Variants in SNTG1 observed in about 807,000 individuals in gnomAD.
The protein encoded by SNTG1 is syntrophin gamma 1.
In SNTG1, 39 loss-of-function variants were observed where a neutral mutation model predicts 74.7. The ratio of observed to expected loss-of-function variants is 0.52; its 90% confidence interval spans 0.40 to 0.68. The LOEUF (loss-of-function observed/expected upper bound fraction) is 0.68, where lower values mean the gene tolerates loss of function less well. Among genes scored for constraint, SNTG1 ranks in the 30% least tolerant of loss-of-function variants. The probability of loss-of-function intolerance (pLI) is 0.00; values close to 1 mark genes in which losing one functional copy is unlikely to be tolerated. For missense variants in SNTG1, 685 were observed against 609.5 expected, an observed-to-expected ratio of 1.12 and a Z score of -1.30; for synonymous variants, 254 against 217.1, an observed-to-expected ratio of 1.17 and a Z score of -1.49.
At chr8:50,134,108 G>T (rs190083415) in intron 1 of SNTG1, among the ~76,000 whole-genome samples, 7 of 152,276 alleles carry the variant, frequency 4.6e-5, no homozygotes, top group African/African-American at 1.7e-4. Context: ...TGCCATTCAT[G>T]GAACTCAATC....
chr8:50,305,029 G>A (rs764017441), intron 2 of SNTG1, among the ~76,000 whole-genome samples: 33 of 151,792 alleles, frequency 2.2e-4, no homozygotes, highest in Non-Finnish European at 3.5e-4. Flanking sequence ...CAGCCTCCCA[G>A]GTAGCTGGGA....
At chr8:50,018,164 T>A (rs1044940843) in intron 1 of SNTG1, among the ~76,000 whole-genome samples, 1 of 152,000 alleles carries the variant, frequency 6.6e-6, no homozygotes. Flanking sequence ...ATTTTTATGA[T>A]GCTTATAAAA....
chr8:50,389,151 C>T (rs1363449850), intron 2 of SNTG1, among the ~76,000 whole-genome samples: 1 of 152,114 alleles, frequency 6.6e-6, no homozygotes, highest in African/African-American at 2.4e-5. Context: ...TCATTTCTCC[C>T]CACCCATAGC....
chr8:50,042,942 A>G (rs779590482), intron 1 of SNTG1, among the ~76,000 whole-genome samples: 94 of 152,180 alleles, frequency 6.2e-4, no homozygotes, highest in Non-Finnish European at 1.1e-3. Flanking sequence ...CAATGTAAAG[A>G]TTTTGGCTTG....
rs192521307 is a variant in SNTG1, at chr8:50,546,836, C to T, written c.681-6214C>T. Among the ~76,000 whole-genome samples the T allele has an allele frequency of 3.7e-3, 566 of 152,186 alleles. 6 individuals carry two copies. The highest frequency in any genetic ancestry group is 0.012 in the African/African-American group (510 of 41,524). On this transcript the variant is annotated intron_variant, in intron 11 of 18. Transcript: ENST00000642720. The stretch of plus-strand genomic sequence containing the variant: ...TCACTCTGCCACCCAGGCTGGAGTG[C>T]AGTGGTGCAATCTCGGCTCACTGCA...
At chr8:49,961,041 C>A (rs1585671348) in intron 1 of SNTG1, among the ~76,000 whole-genome samples, 1 of 152,072 alleles carries the variant, frequency 6.6e-6, no homozygotes, top group Non-Finnish European at 1.5e-5. Context: ...TGTCATCTTC[C>A]AGAATCCTAG....
intron 15 of SNTG1, among the ~76,000 whole-genome samples, chr8:50,691,814 A>C (rs916439294): frequency 6.6e-6 from 1 of 152,276 alleles, no homozygotes; most frequent in African/African-American, 2.4e-5. Flanking sequence ...AGATTGGGGA[A>C]GTTCTCCTGG....
At chr8:50,183,283 A>G (rs2083271818) in intron 2 of SNTG1, among the ~76,000 whole-genome samples, 1 of 152,208 alleles carries the variant, frequency 6.6e-6, no homozygotes, top group Non-Finnish European at 1.5e-5. Flanking sequence ...GCATTCACAC[A>G]GAAGATTAAT....
intron 13 of SNTG1, among the ~76,000 whole-genome samples, chr8:50,626,449 T>G (rs2094956890): frequency 6.6e-6 from 1 of 151,750 alleles, no homozygotes; most frequent in South Asian, 2.1e-4. Context: ...GCATGTGGAG[T>G]GGGAAATCAG....
At chr8:50,100,399 C>T (rs1042132893) in intron 1 of SNTG1, among the ~76,000 whole-genome samples, 4 of 151,988 alleles carry the variant, frequency 2.6e-5, no homozygotes, top group African/African-American at 9.7e-5. Flanking sequence ...TTATTATATA[C>T]TTTCAAACTG....
chr8:50,619,718 G>T (rs111238888), intron 13 of SNTG1, among the ~76,000 whole-genome samples: 2 of 141,452 alleles, frequency 1.4e-5, no homozygotes, highest in Non-Finnish European at 3.0e-5. Flanking sequence ...GCGACAGAGC[G>T]AGACTCCGTC....
chr8:50,172,667 G>A lies in SNTG1; in HGVS notation c.-28+32G>A, dbSNP rs147102680. 4.7e-3 allele frequency: 708 copies of A among 151,682 alleles called. 6 individuals are homozygous for A. The highest frequency in any genetic ancestry group is 0.016 in the African/African-American group (673 of 41,382). 9.4% of individuals were successfully genotyped at this position (151,682 alleles called of 1,614,324 possible). A position where few individuals can be genotyped will look rare whatever the true frequency, so the allele number is the denominator to read the frequency against. On this transcript the variant is annotated intron_variant, in intron 2 of 18. Transcript: ENST00000642720. ...CCATTACTTTGCAATAACGTATCAT[G>A]TGTAAATTAGTGGAAAAAATCAACT...
intron 18 of SNTG1, among the ~76,000 whole-genome samples, chr8:50,763,113 G>A (rs1023316158): frequency 2.0e-5 from 3 of 151,804 alleles, no homozygotes; most frequent in Non-Finnish European, 4.4e-5. Flanking sequence ...TTTTTACTCA[G>A]TGATTTCTGT....
chr8:50,780,750 T>C (rs1467775724), intron 18 of SNTG1, among the ~76,000 whole-genome samples: 2 of 152,200 alleles, frequency 1.3e-5, no homozygotes, highest in East Asian at 3.8e-4. Context: ...TGCTATCTTT[T>C]GAATGTGTTT....
At chr8:50,566,465 C>T (rs1006593547) in intron 12 of SNTG1, among the ~76,000 whole-genome samples, 3 of 152,024 alleles carry the variant, frequency 2.0e-5, no homozygotes, top group South Asian at 2.1e-4. Flanking sequence ...AAGTCTACAA[C>T]GTTTGTGATA....
chr8:50,589,927 A>G (rs1249536200), intron 12 of SNTG1, among the ~76,000 whole-genome samples: 2 of 152,200 alleles, frequency 1.3e-5, no homozygotes, highest in Non-Finnish European at 2.9e-5. Context: ...CCTTGCTCAG[A>G]TCACACATAT....
At chr8:50,212,512 A>C (rs1004855528) in intron 2 of SNTG1, among the ~76,000 whole-genome samples, 1 of 152,196 alleles carries the variant, frequency 6.6e-6, no homozygotes, top group African/African-American at 2.4e-5. Context: ...GTATACAGAA[A>C]GATACAGATC....
chr8:50,462,531 G>T (rs985704037), intron 8 of SNTG1, among the ~76,000 whole-genome samples: 1 of 151,902 alleles, frequency 6.6e-6, no homozygotes, highest in Non-Finnish European at 1.5e-5. Context: ...AAAATTTTCC[G>T]TAATGTGATG....
chr8:50,290,039 G>A (rs1258800853), intron 2 of SNTG1, among the ~76,000 whole-genome samples: 1 of 152,124 alleles, frequency 6.6e-6, no homozygotes, highest in Non-Finnish European at 1.5e-5. Context: ...TTTTCAACTT[G>A]AAGGATTCTT....
Sources: allele counts gnomAD v4.1 joint callset (sites outside exome capture counted in the v4.1 genomes callset), GRCh38; gene constraint gnomAD v4.1.1; transcripts MANE v1.5; gene names NCBI Gene and HGNC (gene_info 2026-07-23, HGNC 2026-07-21).